Variants in THSD7B observed in about 807,000 individuals in gnomAD.
THSD7B encodes thrombospondin type 1 domain containing 7B, also known as thrombospondin type-1 domain-containing protein 7B.
A neutral mutation model predicts 213.6 loss-of-function variants in THSD7B; 138 were observed. The observed-to-expected ratio is 0.65, with a 90% CI of 0.56 to 0.74. The LOEUF (loss-of-function observed/expected upper bound fraction) is 0.74, where lower values mean the gene tolerates loss of function less well. THSD7B is among the 30% of genes least tolerant of loss of function. The pLI is 0.00. For synonymous variants in THSD7B, 742 were observed against 687.0 expected (o/e 1.08, Z -1.25); for missense variants, 1,931 against 1,991.5 (o/e 0.97, Z 0.58).
At chr2:137,626,381 G>A (rs564441147) in intron 20 of THSD7B, among the ~76,000 whole-genome samples, 42 of 151,310 alleles carry the variant, frequency 2.8e-4, no homozygotes, top group African/African-American at 9.7e-4. Flanking sequence ...GGAGAATGGC[G>A]TGAACCCCGG....
chr2:136,933,964 G>A (rs1164214416), intron 2 of THSD7B, among the ~76,000 whole-genome samples: 2 of 152,110 alleles, frequency 1.3e-5, no homozygotes, highest in Non-Finnish European at 2.9e-5. Flanking sequence ...AGCTAGAAGT[G>A]TTTTCTCTCT....
intron 7 of THSD7B, among the ~76,000 whole-genome samples, chr2:137,228,668 T>C (rs1187726991): frequency 6.6e-6 from 1 of 152,158 alleles, no homozygotes. Flanking sequence ...TGCCACAAGT[T>C]CTCAGCCCTT....
rs1236855009 is a variant in THSD7B, at chr2:137,677,382, C to CTT, written c.*778_*779dup. 6.6e-6 allele frequency: 1 copy of CTT among 152,308 alleles called. No homozygotes were observed. Among genetic ancestry groups the CTT allele is most frequent in the African/African-American group, 2.4e-5 (1 of 41,462 alleles). The allele number at this position is 152,308 out of a possible 1,614,324, so 9.4% of individuals were successfully genotyped here. A position where few individuals can be genotyped will look rare whatever the true frequency, so the allele number is the denominator to read the frequency against. On this transcript the variant is annotated 3_prime_UTR_variant, in exon 28 of 28. Transcript: ENST00000409968. ...TACTAAAACTGTATTTTAACAAAAA[C>CTT]TTATCCATGTAGATATAGCATTAAC...
intron 7 of THSD7B, among the ~76,000 whole-genome samples, chr2:137,194,417 C>T (rs1355716736): frequency 2.0e-5 from 3 of 152,174 alleles, no homozygotes. Context: ...ACTTAAAAAC[C>T]CACACATGAT....
At chr2:137,176,535 GA>G (rs1680360453) in intron 7 of THSD7B, among the ~76,000 whole-genome samples, 2 of 152,314 alleles carry the variant, frequency 1.3e-5, no homozygotes, top group South Asian at 2.1e-4. Context: ...TGCAGATTCA[GA>G]GAAATGGCCC....
intron 15 of THSD7B, among the ~76,000 whole-genome samples, chr2:137,480,818 T>G (rs182829206): frequency 6.6e-6 from 1 of 152,386 alleles, no homozygotes; most frequent in Non-Finnish European, 1.5e-5. Flanking sequence ...TGTAAATCTT[T>G]GAAATCAAAT....
At chr2:137,575,794 G>A (rs943512121) in intron 17 of THSD7B, among the ~76,000 whole-genome samples, 2 of 150,440 alleles carry the variant, frequency 1.3e-5, no homozygotes, top group South Asian at 2.1e-4. Context: ...TGAAAGGAAA[G>A]TTGTGTAATT....
At chr2:137,407,518 C>T (rs1413787094) in intron 13 of THSD7B, among the ~76,000 whole-genome samples, 1 of 152,052 alleles carries the variant, frequency 6.6e-6, no homozygotes, top group Non-Finnish European at 1.5e-5. Flanking sequence ...GAAATATTTT[C>T]ACTTTTCAAG....
chr2:137,402,707 T>C (rs556466210), intron 12 of THSD7B, among the ~76,000 whole-genome samples: 49 of 150,924 alleles, frequency 3.2e-4, no homozygotes, highest in African/African-American at 1.1e-3. Context: ...TCCCAGCTAC[T>C]CTGGAGGCTG....
At chr2:136,869,507 C>A (rs1377621094) in intron 1 of THSD7B, among the ~76,000 whole-genome samples, 1 of 152,078 alleles carries the variant, frequency 6.6e-6, no homozygotes, top group Non-Finnish European at 1.5e-5. Context: ...GATTTAGAAC[C>A]TGACAACATC....
intron 5 of THSD7B, among the ~76,000 whole-genome samples, chr2:137,141,649 C>T (rs1005889036): frequency 6.6e-6 from 1 of 151,152 alleles, no homozygotes; most frequent in Admixed American, 6.6e-5. Context: ...GTGAAAGGTA[C>T]ATGGGAACTC....
chr2:137,272,126 T>C (rs546048325), intron 10 of THSD7B, among the ~76,000 whole-genome samples: 1 of 152,232 alleles, frequency 6.6e-6, no homozygotes, highest in Non-Finnish European at 1.5e-5. Flanking sequence ...TTGTTTGCAT[T>C]ATAAAAAATA....
chr2:136,898,418 C>T (rs1012322161), intron 2 of THSD7B, among the ~76,000 whole-genome samples: 3 of 152,116 alleles, frequency 2.0e-5, no homozygotes, highest in African/African-American at 4.8e-5. Context: ...GTGATCTGCC[C>T]GCCTCCGTCT....
intron 7 of THSD7B, among the ~76,000 whole-genome samples, chr2:137,186,579 T>C (rs1680555510): frequency 6.6e-6 from 1 of 152,150 alleles, no homozygotes; most frequent in Non-Finnish European, 1.5e-5. Flanking sequence ...TTTGTCTGTG[T>C]TTGTACCCAT....
rs752379155 is a variant in THSD7B at position 137,663,545 on chromosome 2, A to G, written c.4621A>G (p.Lys1541Glu). 5 of 1,609,074 alleles carry G rather than the reference A, an allele frequency of 3.1e-6. No individual in the cohort carries two copies. The Admixed American group carries it at 6.7e-5, about 22-fold the overall frequency. ...PVNSKIHDIF[K>E]GWSLQPLDPD... ...GAATTCAAAAATACATGATATTTTT[A>G]AAGGATGGTCTCTTCAACCACTTGA... Residue 1541 changes from lysine (K) to glutamate (E), a missense_variant, in exon 26 of 28, where the codon AAA becomes GAA. Coordinates refer to ENST00000409968, the MANE Select transcript of THSD7B (RefSeq NM_001316349.2).
At chr2:137,534,020 A>G (rs199980186) in intron 15 of THSD7B, among the ~76,000 whole-genome samples, 5,188 of 55,988 alleles carry the variant, frequency 0.093, 132 homozygotes, top group African/African-American at 0.19. Flanking sequence ...GTGTGCGCGC[A>G]CACACACACA....
chr2:137,484,036 A>G (rs1263289247), intron 15 of THSD7B, among the ~76,000 whole-genome samples: 3 of 151,580 alleles, frequency 2.0e-5, no homozygotes, highest in Non-Finnish European at 4.4e-5. Flanking sequence ...TATTATTATT[A>G]TACTTTAAGT....
chr2:136,994,063 A>C (rs943933449), intron 2 of THSD7B, among the ~76,000 whole-genome samples: 16 of 152,212 alleles, frequency 1.1e-4, no homozygotes, highest in African/African-American at 3.6e-4. Context: ...TCTCACTTCA[A>C]GGTCACTCAG....
intron 2 of THSD7B, among the ~76,000 whole-genome samples, chr2:136,961,740 G>T (rs928530073): frequency 8.5e-5 from 13 of 152,184 alleles, no homozygotes; most frequent in African/African-American, 3.1e-4. Flanking sequence ...CATGAACGGA[G>T]GAATGTGGTG....
Sources: gnomAD v4.1 joint callset for allele counts (sites outside exome capture counted in the v4.1 genomes callset) on GRCh38, gnomAD v4.1.1 for gene constraint, MANE v1.5 for transcripts, NCBI Gene and HGNC (gene_info 2026-07-23, HGNC 2026-07-21) for gene names.